SPTY2D1: variants seen among roughly 807,000 people sequenced by gnomAD.
SPTY2D1 encodes SPT2 chromatin protein domain containing 1.
Under a neutral mutation model 64.0 loss-of-function variants are expected in SPTY2D1, and 21 were observed. The ratio of observed to expected loss-of-function variants is 0.33; its 90% CI spans 0.23 to 0.47. The LOEUF (loss-of-function observed/expected upper bound fraction) is 0.47, where lower values mean the gene tolerates loss of function less well. Among genes scored for constraint, SPTY2D1 ranks in the 20% least tolerant of loss-of-function variants. The probability of loss-of-function intolerance (pLI) is 1.00; values close to 1 mark genes in which losing one functional copy is unlikely to be tolerated. For synonymous variants in SPTY2D1, 287 were observed against 286.8 expected (o/e 1.00, Z -0.01); for missense variants, 724 against 837.2 (o/e 0.86, Z 1.67).
Position 18,615,495 on chromosome 11 carries a change from T to C in SPTY2D1, c.779A>G (p.His260Arg). 6.2e-7 allele frequency: 1 copy of C among 1,614,216 alleles called. No individual in the cohort carries two copies. Among genetic ancestry groups the C allele is most frequent in the East Asian group, 2.2e-5 (1 of 44,874 alleles). Residue 260 changes from histidine to arginine, a missense_variant, in exon 3 of 6, where the codon CAT becomes CGT. Coordinates refer to ENST00000336349, the MANE Select transcript of SPTY2D1 (RefSeq NM_194285.3). Reference sequence around the variant, plus strand: ...GCTGGGTCTTGATTTCTTCTCAGCATGAGGAAGGGGCATTCCTTTGGAAGA... The same window carrying C: ...GCTGGGTCTTGATTTCTTCTCAGCACGAGGAAGGGGCATTCCTTTGGAAGA... The part of the protein sequence containing the change: ...HPSSKGMPLP[H>R]AEKKSRPSMA...
At chr11:18,628,229 T>C (rs1854530117) in intron 1 of SPTY2D1, among the ~76,000 whole-genome samples, 1 of 152,242 alleles carries the variant, frequency 6.6e-6, no homozygotes, top group African/African-American at 2.4e-5. Context: ...CTTGCCTATA[T>C]AAAAGATTCT....
At chr11:18,633,848 G>A (rs1854626049) in intron 1 of SPTY2D1, among the ~76,000 whole-genome samples, 1 of 152,060 alleles carries the variant, frequency 6.6e-6, no homozygotes, top group Non-Finnish European at 1.5e-5. Flanking sequence ...CAATCTCTAG[G>A]CTGAAGTTTA....
chr11:18,615,429 G>A lies in SPTY2D1; in HGVS notation c.845C>T (p.Ser282Phe), dbSNP rs1215145557. ...EKHLALSSSK[S>F]MPGERIKAGS... ...TGCCTTGATCCTCTCTCCTGGCATGGATTTGGATGAAGACAAAGCGAGGTG... is the reference window on the plus strand; with the variant it reads ...TGCCTTGATCCTCTCTCCTGGCATGAATTTGGATGAAGACAAAGCGAGGTG... Residue 282 changes from serine (S) to phenylalanine (F), a missense_variant, in exon 3 of 6, where the codon TCC (serine) becomes TTC (phenylalanine). Ser to Phe is a radical substitution (Grantham distance 155). Coordinates refer to ENST00000336349, the MANE Select transcript of SPTY2D1 (RefSeq NM_194285.3). 1 of 1,614,072 alleles carries A rather than the reference G, an allele frequency of 6.2e-7. No individual in the cohort carries two copies. Among genetic ancestry groups the A allele is most frequent in the Non-Finnish European group, 8.5e-7 (1 of 1,180,030 alleles).
Position 18,615,929 on chromosome 11 carries a change from G to C in SPTY2D1, c.345C>G (p.Thr115=), listed in dbSNP as rs1854292584. The C allele has an allele frequency of 6.2e-7, 1 of 1,614,066 alleles. No individual in the cohort carries two copies. Among genetic ancestry groups the C allele is most frequent in the African/African-American group, 1.3e-5 (1 of 75,010 alleles). The change falls in exon 3 of 6, where the codon ACC becomes ACG. Residue 115 remains threonine (T), a synonymous_variant. Coordinates refer to ENST00000336349, the MANE Select transcript of SPTY2D1 (RefSeq NM_194285.3). ...SKKRQATESH[T]SQGTDREYEM... ...CATACTCTCGGTCGGTTCCTTGGCT[G>C]GTATGGCTTTCTGTTGCCTGCCTCT...
At chr11:18,629,986 T>C (rs547738145) in intron 1 of SPTY2D1, among the ~76,000 whole-genome samples, 2 of 151,068 alleles carry the variant, frequency 1.3e-5, no homozygotes, top group South Asian at 4.2e-4. Flanking sequence ...CTGGCCAACA[T>C]GGTGAAACCC....
At chr11:18,617,881 G>A (rs1165583403) in intron 1 of SPTY2D1, among the ~76,000 whole-genome samples, 3 of 152,160 alleles carry the variant, frequency 2.0e-5, no homozygotes, top group Admixed American at 2.0e-4. Context: ...GGCAGAGGTT[G>A]CAGTGAGCCG....
In SPTY2D1 at chr11:18,607,531, A is replaced by G. The variant is rs946038281; in HGVS notation, c.*2330T>C. The G allele has an allele frequency of 6.6e-6, 1 of 152,654 alleles. No homozygotes were observed. The highest frequency in any genetic ancestry group is 1.9e-4 in the East Asian group (1 of 5,202). 9.5% of individuals were successfully genotyped at this position (152,654 alleles called of 1,614,324 possible). On this transcript the variant is annotated 3_prime_UTR_variant, in exon 6 of 6. Transcript: ENST00000336349. Reference sequence around the variant, plus strand: ...GTTGAATTAAGAAAATCCAAAAATCAAAACAGTAGAGAATACATTAAAAAT... The same window carrying G: ...GTTGAATTAAGAAAATCCAAAAATCGAAACAGTAGAGAATACATTAAAAAT...
chr11:18,615,058 A>G lies in SPTY2D1; in HGVS notation c.1216T>C (p.Ser406Pro). The change falls in exon 3 of 6, where the codon TCA becomes CCA. Residue 406 changes from serine to proline, a missense_variant. Ser to Pro is a moderately conservative substitution (Grantham distance 74). Transcript: ENST00000336349. ...CCACTGATTGATCGCTCAGGTCCTG[A>G]GCTGGAGCTGCCATTCTGGCGCCTA... The part of the protein sequence containing the change: ...VPRRQNGSSS[S>P]GPERSISGSK... The G allele has an allele frequency of 6.2e-7, 1 of 1,614,100 alleles. No homozygotes were observed. The highest frequency in any genetic ancestry group is 8.5e-7 in the Non-Finnish European group (1 of 1,180,034).
chr11:18,614,675 A>C lies in SPTY2D1; in HGVS notation c.1599T>G (p.Pro533=). 1 of 1,614,248 alleles carries C rather than the reference A, an allele frequency of 6.2e-7. No individual in the cohort carries two copies. The highest frequency in any genetic ancestry group is 8.5e-7 in the Non-Finnish European group (1 of 1,180,046). The change falls in exon 3 of 6, where the codon CCT becomes CCG. Residue 533 remains proline (P), a synonymous_variant. Coordinates refer to ENST00000336349, the MANE Select transcript of SPTY2D1 (RefSeq NM_194285.3). ...TTGTTTCGGAGACAACAGTGCACTT[A>C]GGCTTTATAGTGGGACCTGAGCTAC... ...TVSSSGPTIK[P]KCTVVSETIS...
At chr11:18,610,686 A>AAAAAAAAAAAAAAACAAC (rs1554987436) in intron 5 of SPTY2D1, among the ~76,000 whole-genome samples, 1 of 147,188 alleles carries the variant, frequency 6.8e-6, no homozygotes, top group Non-Finnish European at 1.5e-5. Context: ...AAAAAAAAAA[A>AAAAAAAAAAAAAAACAAC]AACAACAATA....
intron 1 of SPTY2D1, among the ~76,000 whole-genome samples, chr11:18,624,859 G>A (rs994259181): frequency 6.6e-6 from 1 of 152,128 alleles, no homozygotes; most frequent in South Asian, 2.1e-4. Context: ...CTACCCAGGC[G>A]GGATGGCGCA....
chr11:18,614,763 C>G lies in SPTY2D1; in HGVS notation c.1511G>C (p.Arg504Pro), dbSNP rs761835012. The G allele has an allele frequency of 1.2e-6, 2 of 1,612,868 alleles. No individual in the cohort carries two copies. Among genetic ancestry groups the G allele is most frequent in the Non-Finnish European group, 8.5e-7 (1 of 1,179,018 alleles). The change falls in exon 3 of 6, where the codon CGG becomes CCG. Residue 504 changes from arginine (R) to proline (P), a missense_variant. Transcript: ENST00000336349. ...TCCTGGGACTGAATTACTGACAGTC[C>G]GTCCAGCTGGAATTGAGCCACTTAT... ...RSISGSIPAG[R>P]TVSNSVPGRP... is the part of the protein sequence containing the mutation.
chr11:18,633,126 A>T (rs1271646652), intron 1 of SPTY2D1, among the ~76,000 whole-genome samples: 1 of 127,020 alleles, frequency 7.9e-6, no homozygotes, highest in African/African-American at 2.5e-5. Flanking sequence ...ATATATTTAT[A>T]AACATAAATA....
rs1225159038 is a variant in SPTY2D1, at chr11:18,614,796, C to T, written c.1478G>A (p.Gly493Glu). 5.0e-6 allele frequency: 8 copies of T among 1,613,064 alleles called. No individual in the cohort carries two copies. The highest frequency in any genetic ancestry group is 6.8e-6 in the Non-Finnish European group (8 of 1,179,300). ...GPPGRSVSGP[G>E]RSISGSIPAG... is the part of the protein sequence containing the mutation. ...TGGAATTGAGCCACTTATGGATCTC[C>T]CAGGGCCACTGACAGACCGCCCCGG... Residue 493 changes from glycine (G) to glutamate (E), a missense_variant, in exon 3 of 6, where the codon GGG becomes GAG. By Grantham distance (98) the Gly-to-Glu change is moderately conservative (BLOSUM62 -2). Coordinates refer to ENST00000336349, the MANE Select transcript of SPTY2D1 (RefSeq NM_194285.3).
intron 1 of SPTY2D1, among the ~76,000 whole-genome samples, chr11:18,625,851 T>C (rs937613805): frequency 6.7e-6 from 1 of 149,330 alleles, no homozygotes; most frequent in Non-Finnish European, 1.5e-5. Context: ...AGTCTCGCTC[T>C]GTTGCCCAGG....
In SPTY2D1 at chr11:18,612,365, T is replaced by A. The variant is rs1201130308; in HGVS notation, c.1835A>T (p.Gln612Leu). ...EDFIEDEGEP[Q>L]EEISKHIREI... ...TCTAATGTGCTTGGATATTTCTTCC[T>A]GAGGCTCTCCTTCATCTTCAATAAA... is the stretch of plus-strand genomic sequence containing the variant. The change falls in exon 4 of 6, where the codon CAG becomes CTG. Residue 612 changes from glutamine to leucine, a missense_variant. Physicochemically the swap from Gln to Leu is moderately radical, Grantham distance 113. Transcript: ENST00000336349. The surrounding 1 kb of genome is among the most constrained non-coding windows in gnomAD (Gnocchi z 4.6). 1.9e-6 allele frequency: 3 copies of A among 1,611,042 alleles called. No homozygotes were observed. The highest frequency in any genetic ancestry group is 4.5e-5 in the East Asian group (2 of 44,774).
At chr11:18,627,840 C>T (rs1854523216) in intron 1 of SPTY2D1, among the ~76,000 whole-genome samples, 1 of 151,406 alleles carries the variant, frequency 6.6e-6, no homozygotes, top group African/African-American at 2.4e-5. Context: ...GATCATGCCA[C>T]TGCATCCCAG....
At chr11:18,624,252 A>G (rs1381014635) in intron 1 of SPTY2D1, among the ~76,000 whole-genome samples, 1 of 151,096 alleles carries the variant, frequency 6.6e-6, no homozygotes, top group African/African-American at 2.4e-5. Flanking sequence ...ATTATATTCT[A>G]TTTAATAACC....
Position 18,608,174 on chromosome 11 carries a change from C to G in SPTY2D1, c.*1687G>C, listed in dbSNP as rs1272848426. The G allele has an allele frequency of 1.3e-5, 2 of 152,508 alleles. No individual in the cohort carries two copies. The highest frequency in any genetic ancestry group is 3.8e-4 in the East Asian group (2 of 5,196). 9.4% of individuals were successfully genotyped at this position (152,508 alleles called of 1,614,324 possible). A position where few individuals can be genotyped will look rare whatever the true frequency, so the allele number is the denominator to read the frequency against. The stretch of plus-strand genomic sequence containing the variant: ...ATTTTCTGCTACCATTGTAACAGTT[C>G]TATATGTAGTTACAAAGGGTGTTAT... On this transcript the variant is annotated 3_prime_UTR_variant, in exon 6 of 6. Transcript: ENST00000336349.
Sources: allele counts gnomAD v4.1 joint callset (sites outside exome capture counted in the v4.1 genomes callset), GRCh38; gene constraint gnomAD v4.1.1; non-coding constraint Gnocchi (gnomAD v3.1); transcripts MANE v1.5; gene names NCBI Gene and HGNC (gene_info 2026-07-23, HGNC 2026-07-21).